HSF1: variants seen among roughly 807,000 people sequenced by gnomAD.
HSF1 encodes the protein heat shock factor protein 1.
HSF1 carries 32 observed loss-of-function variants against 51.7 expected under a neutral mutation model. That is an observed-to-expected ratio of 0.62 (90% CI 0.47 to 0.83). The LOEUF (loss-of-function observed/expected upper bound fraction) is 0.83. Among genes scored for constraint, HSF1 ranks in the 40% least tolerant of loss-of-function variants. HSF1 has a pLI of 0.00. For missense variants in HSF1, 727 were observed against 717.0 expected (o/e 1.01, Z -0.16); for synonymous variants, 396 against 309.7 (o/e 1.28, Z -2.92).
Position 144,291,960 on chromosome 8 carries a change from G to A in HSF1, c.117+86G>A. ...ACGGCGCGGGAGGGCTGCGGGGAGG[G>A]GCCCTGCCGCACTTCAGCTTACGCG... On this transcript the variant is annotated intron_variant, in intron 1 of 12. Coordinates refer to ENST00000528838, the MANE Select transcript of HSF1 (RefSeq NM_005526.4). The surrounding 1 kb of genome is among the most constrained non-coding windows in gnomAD (Gnocchi z 4.1). The A allele has an allele frequency of 3.1e-6, 2 of 649,482 alleles. No individual in the cohort carries two copies. The highest frequency in any genetic ancestry group is 4.6e-6 in the Non-Finnish European group (2 of 432,572). 40.2% of individuals were successfully genotyped at this position (649,482 alleles called of 1,614,324 possible). A position where few individuals can be genotyped will look rare whatever the true frequency, so the allele number is the denominator to read the frequency against.
chr8:144,312,841 C>T (rs1372982459), intron 9 of HSF1: 3 of 788,044 alleles, frequency 3.8e-6, no homozygotes, highest in Middle Eastern at 3.5e-4. Context: ...CGAGACCCCT[C>T]TGTGGCGGGG....
At chr8:144,312,720 T>G in intron 9 of HSF1, 1 of 1,534,462 alleles carries the variant, frequency 6.5e-7, no homozygotes, top group Non-Finnish European at 8.7e-7. Context: ...GGGTTAGCGC[T>G]GACCCCACTG....
chr8:144,304,346 C>T (rs1816080278), intron 1 of HSF1, among the ~76,000 whole-genome samples: 1 of 152,214 alleles, frequency 6.6e-6, no homozygotes, highest in African/African-American at 2.4e-5. Context: ...GTGGTTTAAG[C>T]TTTGCTTGTT....
At chr8:144,313,795 C>CTCCCCGCCTCCCCGCCTCCCCGCT (rs1816992419) in intron 10 of HSF1, 51 bp from the exon 11 acceptor site, 1 of 211,278 alleles carries the variant, frequency 4.7e-6, no homozygotes, top group African/African-American at 2.4e-4. Flanking sequence ...CCCGCCCCGC[C>CTCCCCGCCTCCCCGCCTCCCCGCT]TCCCCGCCCC....
chr8:144,310,238 C>T (rs1554844113), intron 4 of HSF1: 3 of 236,836 alleles, frequency 1.3e-5, no homozygotes, highest in South Asian at 6.9e-5. Context: ...CCGTCCCACC[C>T]GCCTCGGGCC....
rs1384488866 is a variant in HSF1 at position 144,297,331 on chromosome 8, C to T, written c.117+5457C>T. ...GGCTGCTGCTGCCTCAGCCTCCTCC[C>T]TGTGACCCTGTGGGCCATGGTGAGC... On this transcript the variant is annotated intron_variant, in intron 1 of 12. Coordinates refer to ENST00000528838, the MANE Select transcript of HSF1 (RefSeq NM_005526.4). The surrounding 1 kb of genome is among the most constrained non-coding windows in gnomAD (Gnocchi z 4.6). Among the ~76,000 whole-genome samples the T allele has an allele frequency of 6.6e-6, 1 of 152,202 alleles. No individual in the cohort carries two copies. The highest frequency in any genetic ancestry group is 1.5e-5 in the Non-Finnish European group (1 of 68,048).
chr8:144,298,421 A>C (rs1815619250), intron 1 of HSF1, among the ~76,000 whole-genome samples: 1 of 147,010 alleles, frequency 6.8e-6, no homozygotes, highest in Non-Finnish European at 1.5e-5. Flanking sequence ...ACATGGTGAA[A>C]CCCCGTCTCT....
chr8:144,311,817 G>T lies in HSF1; in HGVS notation c.841G>T (p.Gly281Cys), dbSNP rs545964111. ...LAPASPMASP[G>C]GSIDERPLSS... ...TCCTGCCAGCCCCATGGCCTCCCCC[G>T]GCGGGAGCATAGACGAGAGGTGGGG... The change falls in exon 8 of 13, where the codon GGC (glycine) becomes TGC (cysteine). Residue 281 changes from glycine to cysteine, a missense_variant. Gly to Cys is a radical substitution (Grantham distance 159). This residue lies in a region of HSF1 where 470 missense variants were observed against 398.8 expected (regional missense o/e 1.18). Transcript: ENST00000528838. 6.2e-7 allele frequency: 1 copy of T among 1,610,140 alleles called. No individual in the cohort carries two copies. Among genetic ancestry groups the T allele is most frequent in the East Asian group, 2.2e-5 (1 of 44,858 alleles).
chr8:144,313,635 CCCCG>C lies in HSF1; in HGVS notation c.1248+22_1248+25del. On this transcript the variant is annotated intron_variant, in intron 10 of 12. Transcript: ENST00000528838. ...GCTGGACGTGAGTGGAGCCCCGCCG[CCCCG>C]CCTCCCCGCCCCGCCTCCCCGCCGC... is the stretch of plus-strand genomic sequence containing the variant. 1 of 549,694 alleles carries C rather than the reference CCCCG, an allele frequency of 1.8e-6. No homozygotes were observed. Among genetic ancestry groups the C allele is most frequent in the Non-Finnish European group, 2.6e-6 (1 of 381,408 alleles). The allele number at this position is 549,694 out of a possible 1,614,324, so 34.1% of individuals were successfully genotyped here. A position where few individuals can be genotyped will look rare whatever the true frequency, so the allele number is the denominator to read the frequency against.
chr8:144,312,179 C>T lies in HSF1; in HGVS notation c.1077C>T (p.Gly359=), dbSNP rs1554844963. The T allele has an allele frequency of 2.5e-6, 4 of 1,603,576 alleles. No individual in the cohort carries two copies. The highest frequency in any genetic ancestry group is 3.4e-6 in the Non-Finnish European group (4 of 1,173,764). Residue 359 remains glycine, a synonymous_variant, in exon 9 of 13, where the codon GGC becomes GGT. Coordinates refer to ENST00000528838, the MANE Select transcript of HSF1 (RefSeq NM_005526.4). ...TDARGHTDTE[G]RPPSPPPTST... is the part of the protein sequence containing the mutation. ...CCAGGGGCCACACGGACACCGAGGG[C>T]CGGCCTCCCTCCCCCCCGCCCACCT...
At chr8:144,303,947 G>A (rs187124384) in intron 1 of HSF1, among the ~76,000 whole-genome samples, 9 of 152,344 alleles carry the variant, frequency 5.9e-5, no homozygotes, top group South Asian at 2.1e-4. Context: ...GGTGATCAGA[G>A]ACCTGGGTGT....
rs1554846144 is a variant in HSF1 at position 144,314,234 on chromosome 8, C to T, written c.1494C>T (p.Ser498=). 1 of 1,550,370 alleles carries T rather than the reference C, an allele frequency of 6.5e-7. No individual in the cohort carries two copies. The highest frequency in any genetic ancestry group is 8.7e-7 in the Non-Finnish European group (1 of 1,146,966). ...TGCTGTTTGAGCTGGGAGAGGGCTC[C>T]TACTTCTCCGAAGGGGACGGCTTCG... The part of the protein sequence containing the change: ...LPVLFELGEG[S]YFSEGDGFAE... Residue 498 remains serine, a synonymous_variant, in exon 13 of 13, where the codon TCC becomes TCT. Coordinates refer to ENST00000528838, the MANE Select transcript of HSF1 (RefSeq NM_005526.4).
intron 1 of HSF1, among the ~76,000 whole-genome samples, chr8:144,305,136 G>A (rs1471660480): frequency 2.0e-5 from 3 of 151,324 alleles, no homozygotes; most frequent in Non-Finnish European, 4.4e-5. Flanking sequence ...TAGTAGAGAC[G>A]GGGTTTCCCC....
At chr8:144,302,991 C>T (rs1815996960) in intron 1 of HSF1, among the ~76,000 whole-genome samples, 1 of 152,026 alleles carries the variant, frequency 6.6e-6, no homozygotes, top group African/African-American at 2.4e-5. Context: ...GAGGAGGGTG[C>T]GGAGCCCCTG....
chr8:144,298,442 CAAAAAAAAAA>C (rs11405501), intron 1 of HSF1, among the ~76,000 whole-genome samples: 1 of 138,730 alleles, frequency 7.2e-6, no homozygotes. Flanking sequence ...ACTAAAAATA[CAAAAAAAAAA>C]AAAATAGCCA....
chr8:144,311,289 G>A (rs1047488375), intron 5 of HSF1, 32 bp from the exon 6 acceptor site: 10 of 1,613,354 alleles, frequency 6.2e-6, no homozygotes, highest in Non-Finnish European at 8.5e-6. Flanking sequence ...GCCCCACAAG[G>A]GCCGGGGTAA....
chr8:144,312,027 C>T lies in HSF1; in HGVS notation c.925C>T (p.Arg309Trp), dbSNP rs782435549. Residue 309 changes from arginine to tryptophan, a missense_variant, in exon 9 of 13, where the codon CGG becomes TGG. Physicochemically the swap from Arg to Trp is moderately radical, Grantham distance 101. This residue lies in a region of HSF1 where 470 missense variants were observed against 398.8 expected (regional missense o/e 1.18). Coordinates refer to ENST00000528838, the MANE Select transcript of HSF1 (RefSeq NM_005526.4). The stretch of plus-strand genomic sequence containing the variant: ...GCCCCCCAGCCCGCCTCAGAGCCCC[C>T]GGGTAGAGGAGGCGAGTCCCGGGCG... ...EEPPSPPQSP[R>W]VEEASPGRPS... 2.2e-5 allele frequency: 36 copies of T among 1,607,656 alleles called. No individual in the cohort carries two copies. Among genetic ancestry groups the T allele is most frequent in the Middle Eastern group, 1.6e-4 (1 of 6,064 alleles).
chr8:144,309,318 C>A, intron 2 of HSF1, 137 bp from the exon 3 acceptor site: 1 of 1,262,962 alleles, frequency 7.9e-7, no homozygotes, highest in Admixed American at 2.3e-5. Flanking sequence ...CTCGGCCACC[C>A]AGGCATGGGC....
At chr8:144,295,529 G>C (rs538356059) in intron 1 of HSF1, among the ~76,000 whole-genome samples, 15 of 152,310 alleles carry the variant, frequency 9.8e-5, no homozygotes, top group African/African-American at 3.1e-4. Flanking sequence ...GAGGCCAGAG[G>C]GGGCACCTGG....
Sources: gnomAD v4.1 joint callset for allele counts (sites outside exome capture counted in the v4.1 genomes callset) on GRCh38, gnomAD v4.1.1 for gene constraint, gnomAD v4.1.1 regional missense constraint, Gnocchi (gnomAD v3.1) non-coding constraint, MANE v1.5 for transcripts, NCBI Gene and HGNC (gene_info 2026-07-23, HGNC 2026-07-21) for gene names.